Variants in RELN observed in about 807,000 individuals in gnomAD.
RELN encodes reelin.
A neutral mutation model predicts 427.6 loss-of-function variants in RELN; 108 were observed. The observed-to-expected ratio is 0.25, with a 90% CI of 0.22 to 0.30. The LOEUF (loss-of-function observed/expected upper bound fraction) is 0.30. RELN is among the 10% of genes least tolerant of loss of function. The pLI, the probability that RELN is intolerant of heterozygous loss-of-function variation, is 1.00. For synonymous variants in RELN, 1,524 were observed against 1,513.4 expected (o/e 1.01, Z -0.16); for missense variants, 3,715 against 4,302.8 (o/e 0.86, Z 3.82).
At chr7:103,768,538 T>C (rs1332494232) in intron 4 of RELN, among the ~76,000 whole-genome samples, 21 of 152,204 alleles carry the variant, frequency 1.4e-4, no homozygotes, top group Admixed American at 1.4e-3. Flanking sequence ...TGCCTCATCA[T>C]GGTCCATAGC....
chr7:103,706,260 G>T (rs1834197986), intron 8 of RELN, among the ~76,000 whole-genome samples: 1 of 151,866 alleles, frequency 6.6e-6, no homozygotes, highest in Non-Finnish European at 1.5e-5. Context: ...GAGCAGGCTA[G>T]TAAGACAGAT....
In RELN at chr7:103,475,650, G is replaced by C. The variant is rs3808046; in HGVS notation, c.10286+2739C>G. On this transcript the variant is annotated intron_variant, in intron 64 of 64. Transcript: ENST00000428762. ...GACATGAAAGTTACCTTAATATATGGGAACAAAAGAACATTCAGTTTTAAC... is the reference window on the plus strand; with the variant it reads ...GACATGAAAGTTACCTTAATATATGCGAACAAAAGAACATTCAGTTTTAAC... 4.2e-4 allele frequency among the ~76,000 whole-genome samples: 64 copies of C among 152,144 alleles called. No homozygotes were observed. In the East Asian group the frequency reaches 0.01, roughly 25 times the overall value.
intron 21 of RELN, 100 bp downstream of exon 21, chr7:103,611,511 C>A: frequency 1.1e-6 from 1 of 907,886 alleles, no homozygotes; most frequent in Non-Finnish European, 1.7e-6. Flanking sequence ...TTCTTTTCAA[C>A]CAAACCTAAA....
chr7:103,832,624 G>C (rs778583681), intron 3 of RELN, among the ~76,000 whole-genome samples: 1 of 152,192 alleles, frequency 6.6e-6, no homozygotes, highest in East Asian at 1.9e-4. Flanking sequence ...ATGAGGGGTA[G>C]GGGTTAGGGG....
intron 8 of RELN, among the ~76,000 whole-genome samples, chr7:103,720,542 G>C (rs1420205542): frequency 6.6e-6 from 1 of 151,926 alleles, no homozygotes; most frequent in Admixed American, 6.6e-5. Context: ...AAACTAACTG[G>C]ACATATTATT....
At chr7:103,696,259 A>G (rs1833974322) in intron 10 of RELN, among the ~76,000 whole-genome samples, 1 of 152,118 alleles carries the variant, frequency 6.6e-6, no homozygotes, top group Admixed American at 6.6e-5. Flanking sequence ...TTGAGGGGAT[A>G]CAGTTGAGGG....
chr7:103,844,187 A>G (rs1329741866), intron 2 of RELN, among the ~76,000 whole-genome samples: 1 of 152,248 alleles, frequency 6.6e-6, no homozygotes, highest in Middle Eastern at 3.2e-3. Flanking sequence ...GAGACTAAAA[A>G]GAGTCTCAAC....
At position 103,511,019 on chromosome 7, in the gene RELN, A is replaced by C; in HGVS notation, c.8120-14T>G. The C allele has an allele frequency of 1.9e-6, 3 of 1,610,162 alleles. No homozygotes were observed. The highest frequency in any genetic ancestry group is 2.5e-6 in the Non-Finnish European group (3 of 1,176,738). Reference sequence around the variant, plus strand: ...AGTGCTCATTCACTTAAAACAAAAAAACAAAATTTTATGACAAATTTGTGA... The same window carrying C: ...AGTGCTCATTCACTTAAAACAAAAACACAAAATTTTATGACAAATTTGTGA... On this transcript the variant is annotated splice_polypyrimidine_tract_variant and intron_variant, in intron 50 of 64. Coordinates refer to ENST00000428762, the MANE Select transcript of RELN (RefSeq NM_005045.4).
At chr7:103,668,086 C>A (rs759026711) in intron 11 of RELN, among the ~76,000 whole-genome samples, 3 of 151,940 alleles carry the variant, frequency 2.0e-5, no homozygotes, top group African/African-American at 7.3e-5. Flanking sequence ...AAAAATTAGC[C>A]GGGCATGGTG....
At chr7:103,938,959 T>C (rs188063487) in intron 1 of RELN, among the ~76,000 whole-genome samples, 7 of 152,120 alleles carry the variant, frequency 4.6e-5, no homozygotes, top group African/African-American at 1.7e-4. Flanking sequence ...TTTTTTTCTC[T>C]GAAACAGAAT....
At chr7:103,954,618 T>A (rs1279349049) in intron 1 of RELN, among the ~76,000 whole-genome samples, 1 of 152,206 alleles carries the variant, frequency 6.6e-6, no homozygotes, top group Non-Finnish European at 1.5e-5. Flanking sequence ...CACAAGATAT[T>A]AGAATTACCA....
chr7:103,748,491 A>T (rs1790904726), intron 6 of RELN, among the ~76,000 whole-genome samples: 1 of 152,186 alleles, frequency 6.6e-6, no homozygotes, highest in South Asian at 2.1e-4. Flanking sequence ...ACATTTAAGG[A>T]CTTCTATCCT....
chr7:103,845,650 T>A (rs1044424402), intron 2 of RELN, among the ~76,000 whole-genome samples: 8 of 152,212 alleles, frequency 5.3e-5, no homozygotes, highest in Non-Finnish European at 1.0e-4. Flanking sequence ...GTAATTTTTT[T>A]AATGATGTAA....
intron 10 of RELN, among the ~76,000 whole-genome samples, chr7:103,687,481 C>G (rs1833787427): frequency 1.3e-5 from 2 of 152,084 alleles, no homozygotes; most frequent in Non-Finnish European, 2.9e-5. Context: ...TAATTGTGAG[C>G]ATTAGATAAA....
chr7:103,714,922 A>G (rs1220940562), intron 8 of RELN, among the ~76,000 whole-genome samples: 1 of 152,180 alleles, frequency 6.6e-6, no homozygotes. Context: ...AGAGCAAACA[A>G]ATTTAATTTT....
intron 28 of RELN, among the ~76,000 whole-genome samples, chr7:103,586,779 T>C (rs1434528522): frequency 6.6e-6 from 1 of 152,152 alleles, no homozygotes; most frequent in Admixed American, 6.5e-5. Flanking sequence ...TCAATCCCAT[T>C]GACAATCTCC....
In RELN at chr7:103,753,187, T is replaced by A. The variant is rs918350971; in HGVS notation, c.572A>T (p.His191Leu). The change falls in exon 5 of 65, where the codon CAT becomes CTT. Residue 191 changes from histidine to leucine, a missense_variant. Physicochemically the swap from His to Leu is moderately conservative, Grantham distance 99. Around this residue, in one of 4 missense-constraint regions of RELN, gnomAD observed 2,208 missense variants for 2,361.7 expected, o/e 0.93. Coordinates refer to ENST00000428762, the MANE Select transcript of RELN (RefSeq NM_005045.4). ...TCAGAGTCTTAAACACTTACCTAGA[T>A]GTGGGTGCACAGTGACATCTGTTGG... ...GAPTDVTVHP[H>L]LAEIHSDSII... is the part of the protein sequence containing the mutation. 1 of 1,613,946 alleles carries A rather than the reference T, an allele frequency of 6.2e-7. No homozygotes were observed. Among genetic ancestry groups the A allele is most frequent in the Non-Finnish European group, 8.5e-7 (1 of 1,179,968 alleles).
chr7:103,771,973 T>C (rs561008608), intron 4 of RELN, among the ~76,000 whole-genome samples: 11 of 152,178 alleles, frequency 7.2e-5, no homozygotes, highest in Non-Finnish European at 1.0e-4. Flanking sequence ...TCTATCACTC[T>C]CCTGCTTCCT....
At chr7:103,876,501 A>G (rs1175462194) in intron 2 of RELN, among the ~76,000 whole-genome samples, 2 of 147,272 alleles carry the variant, frequency 1.4e-5, no homozygotes, top group Non-Finnish European at 3.0e-5. Context: ...AATACTATCA[A>G]ATATGTTATT....
Sources: gnomAD v4.1 joint callset for allele counts (sites outside exome capture counted in the v4.1 genomes callset) on GRCh38, gnomAD v4.1.1 for gene constraint, gnomAD v4.1.1 regional missense constraint, MANE v1.5 for transcripts, NCBI Gene and HGNC (gene_info 2026-07-23, HGNC 2026-07-21) for gene names.